Variants in NUTF2 observed in about 807,000 individuals in gnomAD.
NUTF2 encodes nuclear transport factor 2, also known as placental protein 15.
A neutral mutation model predicts 18.5 loss-of-function variants in NUTF2; 3 were observed. The observed-to-expected ratio is 0.16, with a 90% CI of 0.07 to 0.42. The LOEUF is 0.42. NUTF2 is among the 10% of genes least tolerant of loss of function. The pLI, the probability that NUTF2 is intolerant of heterozygous loss-of-function variation, is 0.99. For synonymous variants in NUTF2, 51 were observed against 57.9 expected (o/e 0.88, Z 0.54); for missense variants, 44 against 160.7 (o/e 0.27, Z 3.93).
chr16:67,858,528 G>A (rs2057913556), intron 1 of NUTF2, among the ~76,000 whole-genome samples: 1 of 152,204 alleles, frequency 6.6e-6, no homozygotes, highest in Non-Finnish European at 1.5e-5. Context: ...TGACATTCGA[G>A]CTGGCACATA....
intron 1 of NUTF2, among the ~76,000 whole-genome samples, chr16:67,850,035 TC>T (rs2057841230): frequency 6.6e-6 from 1 of 151,748 alleles, no homozygotes; most frequent in African/African-American, 2.4e-5. Flanking sequence ...CAAGCGATAC[TC>T]CCACCTCAGC....
At chr16:67,851,970 T>C (rs1306101162) in intron 1 of NUTF2, among the ~76,000 whole-genome samples, 1 of 152,006 alleles carries the variant, frequency 6.6e-6, no homozygotes, top group East Asian at 1.9e-4. Context: ...GAGCTGAGAC[T>C]GTGCCATTGC....
At chr16:67,865,072 G>T in intron 1 of NUTF2, 30 bp from the exon 2 acceptor site, 2 of 1,176,780 alleles carry the variant, frequency 1.7e-6, no homozygotes, top group Non-Finnish European at 2.5e-6. Flanking sequence ...TGGTACCAAT[G>T]CTTCCCTCCT....
At chr16:67,855,769 C>A (rs2057891492) in intron 1 of NUTF2, among the ~76,000 whole-genome samples, 1 of 150,788 alleles carries the variant, frequency 6.6e-6, no homozygotes, top group African/African-American at 2.4e-5. Flanking sequence ...TGTAAAGCTG[C>A]TTTGACCTGC....
chr16:67,860,540 A>G (rs927627602), intron 1 of NUTF2, among the ~76,000 whole-genome samples: 2 of 152,120 alleles, frequency 1.3e-5, no homozygotes, highest in African/African-American at 4.8e-5. Context: ...CAAAGTGCTG[A>G]GATTACAGAT....
At chr16:67,868,159 A>G (rs945742369) in intron 2 of NUTF2, among the ~76,000 whole-genome samples, 181 bp from the exon 3 acceptor site, 2 of 152,120 alleles carry the variant, frequency 1.3e-5, no homozygotes, top group Admixed American at 6.5e-5. Flanking sequence ...CCCAGGGTCA[A>G]TGGGGTAGAA....
chr16:67,848,589 A>G (rs1703181218), intron 1 of NUTF2, among the ~76,000 whole-genome samples: 1 of 151,878 alleles, frequency 6.6e-6, no homozygotes, highest in African/African-American at 2.4e-5. Context: ...TCTCCAAAAT[A>G]AAAAAAGCTG....
chr16:67,859,455 T>A (rs1331257283), intron 1 of NUTF2, among the ~76,000 whole-genome samples: 1 of 151,880 alleles, frequency 6.6e-6, no homozygotes, highest in African/African-American at 2.4e-5. Flanking sequence ...GTTCAAGCGA[T>A]TCTCCTGCCT....
At chr16:67,869,090 T>C (rs1192396531) in intron 4 of NUTF2, among the ~76,000 whole-genome samples, 3 of 151,028 alleles carry the variant, frequency 2.0e-5, no homozygotes, top group African/African-American at 7.4e-5. Context: ...ATTTCTTTTT[T>C]TTTTTTTTTT....
chr16:67,853,866 C>T (rs1416356059), intron 1 of NUTF2, among the ~76,000 whole-genome samples: 2 of 152,046 alleles, frequency 1.3e-5, no homozygotes, highest in African/African-American at 4.8e-5. Flanking sequence ...AGGCTGGTCT[C>T]AGAACTCTTG....
intron 3 of NUTF2, 43 bp from the exon 4 acceptor site, chr16:67,868,458 C>T (rs762349425): frequency 1.2e-6 from 2 of 1,613,728 alleles, no homozygotes; most frequent in Non-Finnish European, 1.7e-6. Context: ...TTTCCCACCC[C>T]TTCTGGCCTT....
chr16:67,848,086 T>G (rs75957286), intron 1 of NUTF2, among the ~76,000 whole-genome samples: 3,894 of 152,340 alleles, frequency 0.026, 65 homozygotes, highest in South Asian at 0.097. Context: ...AAATTGCCCT[T>G]ACTGATGCCA....
chr16:67,858,357 G>A (rs1362145568), intron 1 of NUTF2, among the ~76,000 whole-genome samples: 1 of 151,996 alleles, frequency 6.6e-6, no homozygotes, highest in Admixed American at 6.6e-5. Context: ...TAGTAGAGAC[G>A]GGGTTTCACC....
chr16:67,865,562 G>A (rs1235298866), intron 2 of NUTF2, among the ~76,000 whole-genome samples: 2 of 152,194 alleles, frequency 1.3e-5, no homozygotes, highest in Non-Finnish European at 2.9e-5. Flanking sequence ...GCAGCCATGA[G>A]CATCCTCAGT....
At chr16:67,858,569 G>T (rs916858611) in intron 1 of NUTF2, among the ~76,000 whole-genome samples, 2 of 152,176 alleles carry the variant, frequency 1.3e-5, no homozygotes, top group African/African-American at 4.8e-5. Context: ...GAAGTAGAGT[G>T]GTCCAGATAG....
chr16:67,857,808 A>C (rs2057907889), intron 1 of NUTF2, among the ~76,000 whole-genome samples: 1 of 152,254 alleles, frequency 6.6e-6, no homozygotes, highest in Non-Finnish European at 1.5e-5. Flanking sequence ...CAATTGCCAC[A>C]TGCCATAGAC....
At chr16:67,860,966 A>G (rs1328507259) in intron 1 of NUTF2, among the ~76,000 whole-genome samples, 1 of 152,100 alleles carries the variant, frequency 6.6e-6, no homozygotes, top group Non-Finnish European at 1.5e-5. Context: ...TTGATGTGGA[A>G]CTCTTCTGCC....
At chr16:67,860,671 G>C (rs1257174768) in intron 1 of NUTF2, among the ~76,000 whole-genome samples, 1 of 152,220 alleles carries the variant, frequency 6.6e-6, no homozygotes, top group East Asian at 1.9e-4. Context: ...CTCCGTGATA[G>C]CATGTGTGGA....
intron 1 of NUTF2, among the ~76,000 whole-genome samples, chr16:67,857,011 C>T (rs1179914413): frequency 6.6e-6 from 1 of 152,200 alleles, no homozygotes; most frequent in Non-Finnish European, 1.5e-5. Flanking sequence ...TTCCCTCCAC[C>T]ACTCTGTGGA....
Sources: gnomAD v4.1 joint callset for allele counts (sites outside exome capture counted in the v4.1 genomes callset) on GRCh38, gnomAD v4.1.1 for gene constraint, MANE v1.5 for transcripts, NCBI Gene and HGNC (gene_info 2026-07-23, HGNC 2026-07-21) for gene names.